RDH5: variants seen among roughly 807,000 people sequenced by gnomAD.
RDH5 encodes 11-cis RDH.
In RDH5, 25 loss-of-function variants were observed where a neutral mutation model predicts 24.0. The observed-to-expected ratio is 1.04, with a 90% CI of 0.76 to 1.46. The LOEUF (loss-of-function observed/expected upper bound fraction) is 1.46. Ranked by LOEUF, RDH5 falls within the 40% of genes most tolerant of loss-of-function variation. The pLI is 0.00. For missense variants in RDH5, 369 were observed against 410.3 expected, an observed-to-expected ratio of 0.90 and a Z score of 0.87; for synonymous variants, 170 against 175.2, an observed-to-expected ratio of 0.97 and a Z score of 0.23.
chr12:55,722,232 T>G, intron 3 of RDH5: 1 of 338,574 alleles, frequency 3.0e-6, no homozygotes, highest in East Asian at 6.2e-5. Flanking sequence ...TCACCACAAT[T>G]TCCACCCCCG....
intron 3 of RDH5, 35 bp from the exon 4 acceptor site, chr12:55,723,851 A>C (rs1458750778): frequency 1.9e-6 from 3 of 1,610,330 alleles, no homozygotes; most frequent in Non-Finnish European, 2.5e-6. Context: ...CCTATAGGGC[A>C]AGAACCCAGC....
chr12:55,721,633 G>A lies in RDH5; in HGVS notation c.311-56G>A. 2 of 1,599,962 alleles carry A rather than the reference G, an allele frequency of 1.3e-6. No individual in the cohort carries two copies. The highest frequency in any genetic ancestry group is 2.2e-5 in the South Asian group (2 of 90,886). On this transcript the variant is annotated intron_variant, in intron 2 of 4. Transcript: ENST00000257895. This position sits in a 1 kb window ranked among gnomAD's most constrained non-coding sequence, Gnocchi z 4.7. ...AGTTTTCAGATGCTCCCAGGAAGAA[G>A]AGGGAGCTGTGGGAGTGCCTCACCT...
chr12:55,724,266 T>C (rs1453066099), intron 4 of RDH5, 56 bp from the exon 5 acceptor site: 1 of 1,596,324 alleles, frequency 6.3e-7, no homozygotes, highest in Non-Finnish European at 8.6e-7. Context: ...AGACAGTACC[T>C]AAGATGGGCT....
In RDH5 at chr12:55,724,648, A is replaced by G. The variant is rs183719917; in HGVS notation, c.*103A>G. 9.6e-7 allele frequency: 1 copy of G among 1,044,644 alleles called. No individual in the cohort carries two copies. Among genetic ancestry groups the G allele is most frequent in the East Asian group, 2.5e-5 (1 of 39,524 alleles). The allele number at this position is 1,044,644 out of a possible 1,614,324, so 64.7% of individuals were successfully genotyped here. A position where few individuals can be genotyped will look rare whatever the true frequency, so the allele number is the denominator to read the frequency against. The stretch of plus-strand genomic sequence containing the variant: ...GGTGCCTGCCACAAAATAAGCACTA[A>G]CAAAAGTGTATTGTTTAAAAAATAA... On this transcript the variant is annotated 3_prime_UTR_variant, in exon 5 of 5. Coordinates refer to ENST00000257895, the MANE Select transcript of RDH5 (RefSeq NM_002905.5).
chr12:55,721,183 C>T lies in RDH5; in HGVS notation c.-2C>T. On this transcript the variant is annotated 5_prime_UTR_variant, in exon 2 of 5. Transcript: ENST00000257895. The surrounding 1 kb of genome is among the most constrained non-coding windows in gnomAD (Gnocchi z 4.7). ...CACCTGTAGGTCACTTGGGCTCCAG[C>T]TATGTGGCTGCCTCTTCTGCTGGGT... is the stretch of plus-strand genomic sequence containing the variant. The T allele has an allele frequency of 6.2e-7, 1 of 1,613,846 alleles. No homozygotes were observed. The highest frequency in any genetic ancestry group is 8.5e-7 in the Non-Finnish European group (1 of 1,180,012).
Position 55,721,165 on chromosome 12 carries a change from A to C in RDH5, c.-20A>C. On this transcript the variant is annotated 5_prime_UTR_variant, in exon 2 of 5. Transcript: ENST00000257895. This position sits in a 1 kb window ranked among gnomAD's most constrained non-coding sequence, Gnocchi z 4.7. ...CTGCCCAGCCTAGGCTGCCACCTGT[A>C]GGTCACTTGGGCTCCAGCTATGTGG... The C allele has an allele frequency of 4.3e-6, 7 of 1,613,020 alleles. No homozygotes were observed. Among genetic ancestry groups the C allele is most frequent in the Non-Finnish European group, 5.9e-6 (7 of 1,179,486 alleles).
At position 55,721,354 on chromosome 12, in the gene RDH5, C is replaced by T. The variant is rs772575458; in HGVS notation, c.170C>T (p.Ala57Val). 2 of 1,613,786 alleles carry T rather than the reference C, an allele frequency of 1.2e-6. No homozygotes were observed. Among genetic ancestry groups the T allele is most frequent in the South Asian group, 1.1e-5 (1 of 91,082 alleles). Residue 57 changes from alanine to valine, a missense_variant, in exon 2 of 5, where the codon GCC (alanine) becomes GTC (valine). Ala to Val is a moderately conservative substitution (Grantham distance 64). Transcript: ENST00000257895. The surrounding 1 kb of genome is among the most constrained non-coding windows in gnomAD (Gnocchi z 4.7). ...GACCAGAGAGGCTTCCGAGTCCTGG[C>T]CAGCTGCCTGACCCCCTCCGGGGCC... The part of the protein sequence containing the change: ...QLDQRGFRVL[A>V]SCLTPSGAED...
At position 55,724,406 on chromosome 12, in the gene RDH5, C is replaced by G; in HGVS notation, c.818C>G (p.Thr273Ser). 2 of 1,614,240 alleles carry G rather than the reference C, an allele frequency of 1.2e-6. No individual in the cohort carries two copies. ...KVSRCLEHAL[T>S]ARHPRTRYSP... ...AGCCGATGCCTGGAGCATGCCCTGA[C>G]TGCTCGACACCCCCGAACCCGCTAC... Residue 273 changes from threonine to serine, a missense_variant, in exon 5 of 5, where the codon ACT becomes AGT. Thr to Ser is a moderately conservative substitution (Grantham distance 58). Coordinates refer to ENST00000257895, the MANE Select transcript of RDH5 (RefSeq NM_002905.5).
At position 55,721,668 on chromosome 12, in the gene RDH5, A is replaced by G. The variant is rs761542699; in HGVS notation, c.311-21A>G. ...TGGGAGTGCCTCACCTACCCCCAGCATCCTTTTCATCTCCCCACAGGGCTT... is the reference window on the plus strand; with the variant it reads ...TGGGAGTGCCTCACCTACCCCCAGCGTCCTTTTCATCTCCCCACAGGGCTT... On this transcript the variant is annotated intron_variant, in intron 2 of 4. Transcript: ENST00000257895. The surrounding 1 kb of genome is among the most constrained non-coding windows in gnomAD (Gnocchi z 4.7). 28 of 1,606,642 alleles carry G rather than the reference A, an allele frequency of 1.7e-5. No homozygotes were observed. In the East Asian group the frequency reaches 6.0e-4, roughly 35 times the overall value.
rs1877121493 is a variant in RDH5 at position 55,724,667 on chromosome 12, AAAAT to A, written c.*126_*129del. The stretch of plus-strand genomic sequence containing the variant: ...GCACTAACAAAAGTGTATTGTTTAA[AAAAT>A]AAAAAGAAGGTGGGCAGAAATGTGC... On this transcript the variant is annotated 3_prime_UTR_variant, in exon 5 of 5. Coordinates refer to ENST00000257895, the MANE Select transcript of RDH5 (RefSeq NM_002905.5). The A allele has an allele frequency of 1.0e-6, 1 of 985,102 alleles. No homozygotes were observed. Among genetic ancestry groups the A allele is most frequent in the African/African-American group, 1.6e-5 (1 of 62,070 alleles). 61.0% of individuals were successfully genotyped at this position (985,102 alleles called of 1,614,324 possible). A position where few individuals can be genotyped will look rare whatever the true frequency, so the allele number is the denominator to read the frequency against.
chr12:55,723,785 C>T (rs1420966482), intron 3 of RDH5, 101 bp from the exon 4 acceptor site: 3 of 1,372,864 alleles, frequency 2.2e-6, no homozygotes, highest in Non-Finnish European at 3.1e-6. Context: ...AAACTCTTGT[C>T]CCTGGTCTGT....
At position 55,721,915 on chromosome 12, in the gene RDH5, A is replaced by C; in HGVS notation, c.537A>C (p.Lys179Asn). Reference sequence around the variant, plus strand: ...ATGGTGGGGGCTACTGTGTCTCCAAATTTGGCCTGGAGGCCTTCTCTGACA... The same window carrying C: ...ATGGTGGGGGCTACTGTGTCTCCAACTTTGGCCTGGAGGCCTTCTCTGACA... ...AANGGGYCVS[K>N]FGLEAFSDSL... Residue 179 changes from lysine (K) to asparagine (N), a missense_variant, in exon 3 of 5, where the codon AAA (lysine) becomes AAC (asparagine). Transcript: ENST00000257895. The surrounding 1 kb of genome is among the most constrained non-coding windows in gnomAD (Gnocchi z 4.7). 1 of 1,613,402 alleles carries C rather than the reference A, an allele frequency of 6.2e-7. No homozygotes were observed. Among genetic ancestry groups the C allele is most frequent in the Non-Finnish European group, 8.5e-7 (1 of 1,179,712 alleles).
At chr12:55,720,659 G>A (rs979892282) in intron 1 of RDH5, 142 bp downstream of exon 1, 59 of 156,568 alleles carry the variant, frequency 3.8e-4, no homozygotes, top group Admixed American at 3.1e-3. Context: ...TGGACCTGGT[G>A]GGTCTTAGCC....
Position 55,724,332 on chromosome 12 carries a change from G to C in RDH5, c.744G>C (p.Met248Ile), listed in dbSNP as rs1565655910. The C allele has an allele frequency of 4.3e-6, 7 of 1,614,072 alleles. No individual in the cohort carries two copies. Among genetic ancestry groups the C allele is most frequent in the Non-Finnish European group, 5.1e-6 (6 of 1,180,040 alleles). Residue 248 changes from methionine to isoleucine, a missense_variant, in exon 5 of 5, where the codon ATG becomes ATC. Met to Ile is a conservative substitution (Grantham distance 10). Coordinates refer to ENST00000257895, the MANE Select transcript of RDH5 (RefSeq NM_002905.5). ...GGAFLTKYLK[M>I]QQRIMNLICD... is the part of the protein sequence containing the mutation. ...CCTATGGGGCTGCAGACCTGAAAAT[G>C]CAACAGCGCATCATGAACCTGATCT...
At position 55,723,771 on chromosome 12, in the gene RDH5, G is replaced by A. The variant is rs953193251; in HGVS notation, c.570-115G>A. ...TTGTCCCGGGGCAGTAGGCATCTCC[G>A]TCAAAACTCTTGTCCCTGGTCTGTG... On this transcript the variant is annotated intron_variant, in intron 3 of 4. Transcript: ENST00000257895. 308 of 1,247,492 alleles carry A rather than the reference G, an allele frequency of 2.5e-4. 6 individuals are homozygous for A. Among genetic ancestry groups the A allele is most frequent in the South Asian group, 1.8e-3 (146 of 81,626 alleles). The allele number at this position is 1,247,492 out of a possible 1,614,324, so 77.3% of individuals were successfully genotyped here. A position where few individuals can be genotyped will look rare whatever the true frequency, so the allele number is the denominator to read the frequency against.
intron 3 of RDH5, 181 bp from the exon 4 acceptor site, chr12:55,723,705 A>C: frequency 1.5e-6 from 1 of 672,016 alleles, no homozygotes; most frequent in Non-Finnish European, 2.6e-6. Context: ...CAAAGAAAAC[A>C]AACCTCAAAA....
chr12:55,724,647 A>T lies in RDH5; in HGVS notation c.*102A>T. On this transcript the variant is annotated 3_prime_UTR_variant, in exon 5 of 5. Coordinates refer to ENST00000257895, the MANE Select transcript of RDH5 (RefSeq NM_002905.5). ...TGGTGCCTGCCACAAAATAAGCACT[A>T]ACAAAAGTGTATTGTTTAAAAAATA... 9.5e-7 allele frequency: 1 copy of T among 1,050,188 alleles called. No homozygotes were observed. The highest frequency in any genetic ancestry group is 1.4e-6 in the Non-Finnish European group (1 of 694,742). The allele number at this position is 1,050,188 out of a possible 1,614,324, so 65.1% of individuals were successfully genotyped here.
rs1396381194 is a variant in RDH5, at chr12:55,721,405, C to T, written c.221C>T (p.Ser74Phe). The change falls in exon 2 of 5, where the codon TCC becomes TTC. Residue 74 changes from serine (S) to phenylalanine (F), a missense_variant. By Grantham distance (155) the Ser-to-Phe change is radical. Transcript: ENST00000257895. This position sits in a 1 kb window ranked among gnomAD's most constrained non-coding sequence, Gnocchi z 4.7. ...GAEDLQRVAS[S>F]RLHTTLLDIT... is the part of the protein sequence containing the mutation. ...GAGGACCTGCAGCGGGTGGCCTCCT[C>T]CCGCCTCCACACCACCCTGTTGGAT... 9 of 1,613,856 alleles carry T rather than the reference C, an allele frequency of 5.6e-6. No individual in the cohort carries two copies. The highest frequency in any genetic ancestry group is 4.4e-5 in the South Asian group (4 of 91,078).
intron 3 of RDH5, 108 bp from the exon 4 acceptor site, chr12:55,723,778 C>A: frequency 7.6e-7 from 1 of 1,316,538 alleles, no homozygotes; most frequent in Non-Finnish European, 1.1e-6. Flanking sequence ...TCCGTCAAAA[C>A]TCTTGTCCCT....
Sources: gnomAD v4.1 joint callset for allele counts on GRCh38, gnomAD v4.1.1 for gene constraint, Gnocchi (gnomAD v3.1) non-coding constraint, MANE v1.5 for transcripts, NCBI Gene and HGNC (gene_info 2026-07-23, HGNC 2026-07-21) for gene names.